CACNA2D3: variants seen among roughly 807,000 people sequenced by gnomAD.
The protein encoded by CACNA2D3 is calcium voltage-gated channel auxiliary subunit alpha2delta 3.
CACNA2D3 carries 60 observed loss-of-function variants against 160.6 expected under a neutral mutation model. The observed-to-expected ratio is 0.37, with a 90% CI of 0.30 to 0.46. The LOEUF is 0.46. CACNA2D3 is among the 20% of genes least tolerant of loss of function. The pLI is 1.00. For missense variants in CACNA2D3, 1,205 were observed against 1,365.0 expected, an observed-to-expected ratio of 0.88 and a Z score of 1.85; for synonymous variants, 558 against 492.9, an observed-to-expected ratio of 1.13 and a Z score of -1.75.
intron 3 of CACNA2D3, among the ~76,000 whole-genome samples, chr3:54,340,486 T>G (rs1057118840): frequency 1.3e-5 from 2 of 152,204 alleles, no homozygotes; most frequent in African/African-American, 4.8e-5. Context: ...TTAATATGTT[T>G]GAAAAGAAAT....
At chr3:54,737,182 ATGTGTGTGTGTGTGTGTGTGTG>A (rs4025817) in intron 11 of CACNA2D3, among the ~76,000 whole-genome samples, 47 of 147,590 alleles carry the variant, frequency 3.2e-4, no homozygotes, top group African/African-American at 1.1e-3. Context: ...CCATGTGTAT[ATGTGTGTGTGTGTGTGTGTGTG>A]TGTGTGTGTG....
At chr3:54,719,282 T>G (rs985972486) in intron 11 of CACNA2D3, among the ~76,000 whole-genome samples, 7 of 151,914 alleles carry the variant, frequency 4.6e-5, no homozygotes, top group Non-Finnish European at 1.0e-4. Flanking sequence ...GTTTTACCAT[T>G]AAGTCTTATG....
At chr3:54,930,196 C>A (rs1268962482) in intron 27 of CACNA2D3, among the ~76,000 whole-genome samples, 1 of 152,132 alleles carries the variant, frequency 6.6e-6, no homozygotes, top group East Asian at 1.9e-4. Flanking sequence ...CTGGTTATCC[C>A]ATCCTCTGGC....
chr3:54,390,202 A>C (rs1699255790), intron 4 of CACNA2D3, among the ~76,000 whole-genome samples: 1 of 152,184 alleles, frequency 6.6e-6, no homozygotes, highest in African/African-American at 2.4e-5. Flanking sequence ...TTGTGGTTTT[A>C]GTTCAGCCAA....
At chr3:54,180,080 G>A (rs1488988303) in intron 2 of CACNA2D3, among the ~76,000 whole-genome samples, 1 of 136,440 alleles carries the variant, frequency 7.3e-6, no homozygotes, top group African/African-American at 2.7e-5. Context: ...CTTTTTTTTT[G>A]GTTTTCTTTT....
intron 5 of CACNA2D3, among the ~76,000 whole-genome samples, chr3:54,524,851 C>T (rs577366378): frequency 2.6e-5 from 4 of 152,030 alleles, no homozygotes; most frequent in Non-Finnish European, 5.9e-5. Flanking sequence ...TTCCATAATA[C>T]ACTTTTCATT....
chr3:54,807,756 A>T (rs982214177), intron 13 of CACNA2D3, among the ~76,000 whole-genome samples: 2 of 151,906 alleles, frequency 1.3e-5, no homozygotes, highest in African/African-American at 4.8e-5. Flanking sequence ...ACATGCACAC[A>T]TATGTTTATT....
At chr3:54,648,272 G>C (rs576798521) in intron 11 of CACNA2D3, among the ~76,000 whole-genome samples, 2 of 152,306 alleles carry the variant, frequency 1.3e-5, no homozygotes, top group African/African-American at 4.8e-5. Context: ...CATGGCATGA[G>C]AACATTATAT....
chr3:54,559,216 ATT>A, intron 5 of CACNA2D3, among the ~76,000 whole-genome samples: 2 of 152,214 alleles, frequency 1.3e-5, no homozygotes, highest in South Asian at 4.1e-4. Flanking sequence ...AGTGACCCAC[ATT>A]GCTTCAGCCA....
chr3:55,003,761 C>T (rs936532887), intron 31 of CACNA2D3, among the ~76,000 whole-genome samples: 1 of 152,150 alleles, frequency 6.6e-6, no homozygotes, highest in Admixed American at 6.5e-5. Context: ...AATTTTCAAT[C>T]TCTTCCTCTG....
chr3:55,003,304 G>A (rs181593717), intron 31 of CACNA2D3, among the ~76,000 whole-genome samples: 6 of 152,242 alleles, frequency 3.9e-5, no homozygotes, highest in African/African-American at 7.2e-5. Context: ...AGGGGATGCC[G>A]AAGGGAAGGG....
intron 4 of CACNA2D3, among the ~76,000 whole-genome samples, chr3:54,401,307 G>A (rs1461398971): frequency 6.6e-6 from 1 of 152,148 alleles, no homozygotes; most frequent in Admixed American, 6.5e-5. Flanking sequence ...AAGGGACAGA[G>A]GTAGGAAGAG....
intron 5 of CACNA2D3, among the ~76,000 whole-genome samples, chr3:54,513,338 C>T (rs1319245223): frequency 6.6e-6 from 1 of 152,198 alleles, no homozygotes; most frequent in Admixed American, 6.5e-5. Flanking sequence ...GAGACACTCA[C>T]CTGTGCCTTA....
chr3:54,734,014 T>C (rs777082296), intron 11 of CACNA2D3, among the ~76,000 whole-genome samples: 2 of 152,032 alleles, frequency 1.3e-5, no homozygotes, highest in African/African-American at 4.8e-5. Context: ...TGACTTTGGA[T>C]GCTATGAGTG....
chr3:54,988,818 A>T (rs1702675956), intron 31 of CACNA2D3, among the ~76,000 whole-genome samples: 1 of 152,224 alleles, frequency 6.6e-6, no homozygotes, highest in Non-Finnish European at 1.5e-5. Context: ...GGAAGAAAAA[A>T]AAAAGAAATG....
intron 9 of CACNA2D3, among the ~76,000 whole-genome samples, 164 bp from the exon 10 acceptor site, chr3:54,627,623 C>T (rs1322882401): frequency 1.3e-5 from 2 of 152,150 alleles, no homozygotes; most frequent in Non-Finnish European, 2.9e-5. Flanking sequence ...GTAAGTTTTA[C>T]ATTGAGTAAG....
intron 21 of CACNA2D3, among the ~76,000 whole-genome samples, chr3:54,884,695 C>T (rs1221476952): frequency 2.0e-5 from 3 of 152,178 alleles, no homozygotes; most frequent in Non-Finnish European, 4.4e-5. Context: ...CCCTAGTTTC[C>T]TTCCCAGGCG....
intron 2 of CACNA2D3, among the ~76,000 whole-genome samples, chr3:54,281,098 C>T (rs1702869650): frequency 6.6e-6 from 1 of 152,140 alleles, no homozygotes; most frequent in Non-Finnish European, 1.5e-5. Context: ...TGGCTGAGGC[C>T]CTGGCTCCTA....
chr3:54,698,912 C>T (rs775133040), intron 11 of CACNA2D3, among the ~76,000 whole-genome samples: 1 of 152,170 alleles, frequency 6.6e-6, no homozygotes, highest in African/African-American at 2.4e-5. Context: ...CGAGCAAAAG[C>T]TTGTACAAAT....
Sources: gnomAD v4.1 joint callset for allele counts (sites outside exome capture counted in the v4.1 genomes callset) on GRCh38, gnomAD v4.1.1 for gene constraint, MANE v1.5 for transcripts, NCBI Gene and HGNC (gene_info 2026-07-23, HGNC 2026-07-21) for gene names.